Variants in TBCD observed in about 807,000 individuals in gnomAD.
TBCD encodes tubulin folding cofactor D.
In TBCD, 105 loss-of-function variants were observed where a neutral mutation model predicts 169.3. That is an observed-to-expected ratio of 0.62 (90% CI 0.53 to 0.73). TBCD has a LOEUF of 0.73. TBCD is among the 30% of genes least tolerant of loss of function. TBCD has a pLI of 0.00. For synonymous variants in TBCD, 700 were observed against 643.9 expected, an observed-to-expected ratio of 1.09 and a Z score of -1.32; for missense variants, 1,444 against 1,600.1, an observed-to-expected ratio of 0.90 and a Z score of 1.66.
chr17:82,780,857 A>G (rs2048902611), intron 6 of TBCD, among the ~76,000 whole-genome samples: 1 of 151,886 alleles, frequency 6.6e-6, no homozygotes, highest in Non-Finnish European at 1.5e-5. Context: ...TATGTTGGCC[A>G]GACTGGTCTC....
intron 13 of TBCD, among the ~76,000 whole-genome samples, chr17:82,826,255 T>C (rs938825246): frequency 6.6e-6 from 1 of 152,126 alleles, no homozygotes; most frequent in Non-Finnish European, 1.5e-5. Flanking sequence ...AACTATACTT[T>C]TAAGTTTTAA....
In TBCD at chr17:82,941,478, C is replaced by G. The variant is rs1264029414; in HGVS notation, c.3559C>G (p.Pro1187Ala). The change falls in exon 38 of 39, where the codon CCC becomes GCC. Residue 1187 changes from proline to alanine, a missense_variant. By Grantham distance (27) the Pro-to-Ala change is conservative. Transcript: ENST00000355528. Reference protein sequence around the residue: ...LLGVPRPQLVPQPGAC With the variant: ...LLGVPRPQLVAQPGAC Reference sequence around the variant, plus strand: ...GGGCGTACCCAGGCCCCAGCTGGTGCCCCAGGTAACCCTGTCACCTTCACA... The same window carrying G: ...GGGCGTACCCAGGCCCCAGCTGGTGGCCCAGGTAACCCTGTCACCTTCACA... 1.3e-6 allele frequency: 2 copies of G among 1,591,978 alleles called. No homozygotes were observed. Among genetic ancestry groups the G allele is most frequent in the East Asian group, 2.3e-5 (1 of 43,852 alleles).
intron 5 of TBCD, among the ~76,000 whole-genome samples, chr17:82,772,003 ATAAC>A (rs1276261925): frequency 6.6e-6 from 1 of 152,224 alleles, no homozygotes; most frequent in African/African-American, 2.4e-5. Context: ...AAAATTAAAA[ATAAC>A]TAGGTATTTG....
intron 2 of TBCD, among the ~76,000 whole-genome samples, chr17:82,761,493 A>G (rs985662995): frequency 2.6e-5 from 4 of 152,124 alleles, no homozygotes; most frequent in Admixed American, 6.6e-5. Flanking sequence ...CTGTCATCCC[A>G]AGGAGTTACT....
intron 13 of TBCD, chr17:82,840,677 T>C (rs1225539944): frequency 6.6e-6 from 1 of 152,284 alleles, no homozygotes; most frequent in Non-Finnish European, 1.5e-5. Flanking sequence ...GGGGGCCAGC[T>C]GTGCACTCCC....
At chr17:82,881,276 T>C (rs2058334815) in intron 14 of TBCD, among the ~76,000 whole-genome samples, 3 of 152,210 alleles carry the variant, frequency 2.0e-5, no homozygotes, top group African/African-American at 7.2e-5. Flanking sequence ...AAGCAAACAT[T>C]TCTCTAAAAT....
chr17:82,881,926 C>T (rs2058381366), intron 14 of TBCD, among the ~76,000 whole-genome samples: 1 of 150,272 alleles, frequency 6.7e-6, no homozygotes, highest in Admixed American at 6.6e-5. Flanking sequence ...CCCCTCCTCC[C>T]TTCCTCCCTC....
Position 82,752,179 on chromosome 17 carries a change from C to A in TBCD, c.-15C>A. On this transcript the variant is annotated 5_prime_UTR_variant, in exon 1 of 39. Transcript: ENST00000355528. ...CGAACACGTGAGGCGGGGGCGCGGT[C>A]CCCAGGCTGCCGAGATGGCCCTGAG... 1 of 1,507,928 alleles carries A rather than the reference C, an allele frequency of 6.6e-7. No individual in the cohort carries two copies. The allele number at this position is 1,507,928 out of a possible 1,614,324, so 93.4% of individuals were successfully genotyped here. A position where few individuals can be genotyped will look rare whatever the true frequency, so the allele number is the denominator to read the frequency against.
intron 23 of TBCD, among the ~76,000 whole-genome samples, chr17:82,919,366 G>T (rs1324400604): frequency 6.6e-6 from 1 of 152,154 alleles, no homozygotes; most frequent in African/African-American, 2.4e-5. Context: ...AGATAATTAT[G>T]TTGGGCCTTA....
rs149751639 is a variant in TBCD at position 82,792,867 on chromosome 17, A to G, written c.772-4890A>G. Among the ~76,000 whole-genome samples the G allele has an allele frequency of 1.7e-4, 26 of 152,170 alleles. No homozygotes were observed. In the East Asian group the frequency reaches 4.1e-3, roughly 24 times the overall value. On this transcript the variant is annotated intron_variant, in intron 7 of 38. Transcript: ENST00000355528. ...AACCTCCACCTCCCGGGCTGAAGTCATCCTCCCCCCTCAGCCTCCTGAGTA... is the reference window on the plus strand; with the variant it reads ...AACCTCCACCTCCCGGGCTGAAGTCGTCCTCCCCCCTCAGCCTCCTGAGTA...
chr17:82,903,251 G>A lies in TBCD; in HGVS notation c.1731-154G>A, dbSNP rs1328487110. On this transcript the variant is annotated intron_variant, in intron 18 of 38. Coordinates refer to ENST00000355528, the MANE Select transcript of TBCD (RefSeq NM_005993.5). This position sits in a 1 kb window ranked among gnomAD's most constrained non-coding sequence, Gnocchi z 4.8. ...TCCTTGTCGTCTGTTGGAGTCGGAG[G>A]TTCTTGTACTGGTTCGTGTGAGTGA... Among the ~76,000 whole-genome samples the A allele has an allele frequency of 2.0e-5, 3 of 152,222 alleles. No individual in the cohort carries two copies. The highest frequency in any genetic ancestry group is 4.8e-5 in the African/African-American group (2 of 41,452).
chr17:82,756,296 T>C (rs2047397746), intron 2 of TBCD, 81 bp downstream of exon 2: 16 of 1,395,508 alleles, frequency 1.1e-5, no homozygotes, highest in Non-Finnish European at 1.4e-5. Flanking sequence ...GGCACATGCA[T>C]GTGCTTTGCC....
chr17:82,793,543 G>C (rs1415024973), intron 7 of TBCD, among the ~76,000 whole-genome samples: 2 of 152,202 alleles, frequency 1.3e-5, no homozygotes, highest in South Asian at 4.1e-4. Flanking sequence ...AGCCTCGAGC[G>C]TACCAGAGTT....
In TBCD at chr17:82,930,369, G is replaced by T. The variant is rs940945107; in HGVS notation, c.2992-153G>T. The T allele has an allele frequency of 1.8e-6, 2 of 1,134,578 alleles. No individual in the cohort carries two copies. The highest frequency in any genetic ancestry group is 5.6e-5 in the Admixed American group (2 of 35,538). The allele number at this position is 1,134,578 out of a possible 1,614,324, so 70.3% of individuals were successfully genotyped here. The stretch of plus-strand genomic sequence containing the variant: ...TCTGCACTGTGAGTGGCTCCGTGCT[G>T]GCGTCCGCACCAGCCGCTTGGGGCC... On this transcript the variant is annotated intron_variant, in intron 32 of 38. Transcript: ENST00000355528. This position sits in a 1 kb window ranked among gnomAD's most constrained non-coding sequence, Gnocchi z 5.2.
intron 33 of TBCD, among the ~76,000 whole-genome samples, chr17:82,931,438 C>T (rs1441171718): frequency 1.3e-5 from 2 of 152,252 alleles, no homozygotes; most frequent in Non-Finnish European, 2.9e-5. Flanking sequence ...CCTGCGTCAC[C>T]ATAGCCTCAG....
intron 7 of TBCD, among the ~76,000 whole-genome samples, chr17:82,794,099 C>T (rs1314034708): frequency 6.6e-6 from 1 of 152,328 alleles, no homozygotes; most frequent in Admixed American, 6.5e-5. Context: ...TGTGGGGGCC[C>T]TTCTCCCAGG....
chr17:82,840,983 T>TTTTTG (rs2054469352), intron 13 of TBCD, among the ~76,000 whole-genome samples: 2 of 120,762 alleles, frequency 1.7e-5, no homozygotes, highest in East Asian at 2.6e-4. Flanking sequence ...TTTTTTTTTT[T>TTTTTG]GAGACAGAGT....
intron 37 of TBCD, among the ~76,000 whole-genome samples, chr17:82,940,220 C>CACACACACACACACA (rs1277826403): frequency 7.8e-5 from 7 of 89,174 alleles, no homozygotes; most frequent in Non-Finnish European, 1.6e-4. Flanking sequence ...CTTGCACGCG[C>CACACACACACACACA]GCACACACAC....
Position 82,937,330 on chromosome 17 carries a change from A to T in TBCD, c.3251A>T (p.Asp1084Val), listed in dbSNP as rs530848602. ...AAGAAAGAAATCAAGAATTCAAAAG[A>T]TATCCAGAAGCTCCTGTCAGGCATC... ...LCKKEIKNSK[D>V]IQKLLSGIAV... Residue 1084 changes from aspartate (D) to valine (V), a missense_variant, in exon 35 of 39, where the codon GAT becomes GTT. By Grantham distance (152) the Asp-to-Val change is radical. Transcript: ENST00000355528. The T allele has an allele frequency of 6.2e-7, 1 of 1,614,010 alleles. No homozygotes were observed. Among genetic ancestry groups the T allele is most frequent in the South Asian group, 1.1e-5 (1 of 91,082 alleles).
Sources: allele counts gnomAD v4.1 joint callset (sites outside exome capture counted in the v4.1 genomes callset), GRCh38; gene constraint gnomAD v4.1.1; non-coding constraint Gnocchi (gnomAD v3.1); transcripts MANE v1.5; gene names NCBI Gene and HGNC (gene_info 2026-07-23, HGNC 2026-07-21).